Variants in ASB13 observed in about 807,000 individuals in gnomAD.
The protein encoded by ASB13 is ankyrin repeat and SOCS box protein 13.
In ASB13, 33 loss-of-function variants were observed where a neutral mutation model predicts 28.8. The observed-to-expected ratio is 1.15, with a 90% CI of 0.87 to 1.53. The LOEUF (loss-of-function observed/expected upper bound fraction) is 1.53. Among genes scored for constraint, ASB13 ranks in the 40% most tolerant of loss-of-function variants. ASB13 has a pLI of 0.00. For synonymous variants in ASB13, 182 were observed against 172.9 expected, an observed-to-expected ratio of 1.05 and a Z score of -0.41; for missense variants, 414 against 390.1, an observed-to-expected ratio of 1.06 and a Z score of -0.52.
In ASB13 at chr10:5,655,220, C is replaced by A. The variant is rs1231110574; in HGVS notation, c.44-2170G>T. 6.6e-6 allele frequency among the ~76,000 whole-genome samples: 1 copy of A among 152,208 alleles called. No individual in the cohort carries two copies. Among genetic ancestry groups the A allele is most frequent in the Non-Finnish European group, 1.5e-5 (1 of 68,042 alleles). On this transcript the variant is annotated intron_variant, in intron 1 of 5. Transcript: ENST00000357700. The surrounding 1 kb of genome is among the most constrained non-coding windows in gnomAD (Gnocchi z 6.2). ...ACATTGCCACCTTCCCCCACCTCTG[C>A]CTTGGGCACTGAGTACAGGGTTAAG...
Position 5,640,734 on chromosome 10 carries a change from G to A in ASB13, c.806C>T (p.Pro269Leu). The A allele has an allele frequency of 1.2e-6, 2 of 1,614,178 alleles. No homozygotes were observed. The highest frequency in any genetic ancestry group is 1.7e-6 in the Non-Finnish European group (2 of 1,180,030). The change falls in exon 6 of 6, where the codon CCC (proline) becomes CTC (leucine). Residue 269 changes from proline (P) to leucine (L), a missense_variant. Physicochemically the swap from Pro to Leu is moderately conservative, Grantham distance 98. Transcript: ENST00000357700. ...GTAGGAGAGGTAATCAATGAGCCGGGGCGGGATGTTTAACTTGGCAATCTT... is the reference window on the plus strand; with the variant it reads ...GTAGGAGAGGTAATCAATGAGCCGGAGCGGGATGTTTAACTTGGCAATCTT... The part of the protein sequence containing the change: ...LEKIAKLNIP[P>L]RLIDYLSYN
Position 5,652,026 on chromosome 10 carries a change from C to CCACACACACACA in ASB13, c.232-675_232-664dup, listed in dbSNP as rs5782851. Among the ~76,000 whole-genome samples the CCACACACACACA allele has an allele frequency of 2.7e-3, 161 of 59,090 alleles. 2 individuals carry two copies. Among genetic ancestry groups the CCACACACACACA allele is most frequent in the East Asian group, 0.023 (21 of 894 alleles). 38.8% of individuals were successfully genotyped at this position (59,090 alleles called of 152,430 possible). On this transcript the variant is annotated intron_variant, in intron 2 of 5. Coordinates refer to ENST00000357700, the MANE Select transcript of ASB13 (RefSeq NM_024701.4). This position sits in a 1 kb window ranked among gnomAD's most constrained non-coding sequence, Gnocchi z 5.0. ...CAAAAAAAAAAAAAAAAAAAAAAAA[C>CCACACACACACA]CACACACACACACACACACACACAC... is the stretch of plus-strand genomic sequence containing the variant.
Position 5,649,115 on chromosome 10 carries a change from A to G in ASB13, c.383-11T>C, listed in dbSNP as rs1303127846. On this transcript the variant is annotated splice_polypyrimidine_tract_variant and intron_variant, in intron 3 of 5. Coordinates refer to ENST00000357700, the MANE Select transcript of ASB13 (RefSeq NM_024701.4). This position sits in a 1 kb window ranked among gnomAD's most constrained non-coding sequence, Gnocchi z 6.4. Reference sequence around the variant, plus strand: ...CACATTCGGAACTCCCTTAAGATAAATGGAAAAGGGGGGGAATGTCCTTGA... The same window carrying G: ...CACATTCGGAACTCCCTTAAGATAAGTGGAAAAGGGGGGGAATGTCCTTGA... The G allele has an allele frequency of 1.9e-6, 3 of 1,613,752 alleles. No homozygotes were observed. The highest frequency in any genetic ancestry group is 2.5e-6 in the Non-Finnish European group (3 of 1,179,892).
intron 1 of ASB13, among the ~76,000 whole-genome samples, chr10:5,662,593 G>GAAGAGAAGAGAAGAGAAGAA (rs1835191405): frequency 7.0e-6 from 1 of 142,950 alleles, no homozygotes; most frequent in African/African-American, 2.6e-5. Context: ...GAAGAGAAGA[G>GAAGAGAAGAGAAGAGAAGAA]AAGAGAAGAG....
At position 5,641,595 on chromosome 10, in the gene ASB13, G is replaced by A. The variant is rs755385714; in HGVS notation, c.709+175C>T. 6.6e-6 allele frequency among the ~76,000 whole-genome samples: 1 copy of A among 152,120 alleles called. No individual in the cohort carries two copies. Among genetic ancestry groups the A allele is most frequent in the African/African-American group, 2.4e-5 (1 of 41,436 alleles). On this transcript the variant is annotated intron_variant, in intron 5 of 5. Transcript: ENST00000357700. The surrounding 1 kb of genome is among the most constrained non-coding windows in gnomAD (Gnocchi z 8.4). ...ACGGGCCACAGGGAACCCAGGGAGA[G>A]CTGGGGCAACAGCACAAACAGCCCC...
Position 5,652,026 on chromosome 10 carries a change from C to CACACACACACACACACA in ASB13, c.232-664_232-663insTGTGTGTGTGTGTGTGT, listed in dbSNP as rs60821267. Among the ~76,000 whole-genome samples the CACACACACACACACACA allele has an allele frequency of 1.7e-5, 1 of 59,148 alleles. No homozygotes were observed. Among genetic ancestry groups the CACACACACACACACACA allele is most frequent in the African/African-American group, 7.2e-5 (1 of 13,948 alleles). 38.8% of individuals were successfully genotyped at this position (59,148 alleles called of 152,430 possible). ...CAAAAAAAAAAAAAAAAAAAAAAAA[C>CACACACACACACACACA]CACACACACACACACACACACACAC... On this transcript the variant is annotated intron_variant, in intron 2 of 5. Coordinates refer to ENST00000357700, the MANE Select transcript of ASB13 (RefSeq NM_024701.4). The surrounding 1 kb of genome is among the most constrained non-coding windows in gnomAD (Gnocchi z 5.0).
At chr10:5,654,222 A>C (rs1835037022) in intron 1 of ASB13, among the ~76,000 whole-genome samples, 1 of 149,074 alleles carries the variant, frequency 6.7e-6, no homozygotes, top group Non-Finnish European at 1.5e-5. Flanking sequence ...CTAGCTAAGC[A>C]GAGGTGAGGG....
At chr10:5,646,970 T>C (rs553662222) in intron 4 of ASB13, among the ~76,000 whole-genome samples, 3 of 152,234 alleles carry the variant, frequency 2.0e-5, no homozygotes, top group African/African-American at 7.2e-5. Context: ...TAAAAGTACC[T>C]CAACAACTAT....
chr10:5,662,861 A>G (rs1835198665), intron 1 of ASB13, among the ~76,000 whole-genome samples: 1 of 152,212 alleles, frequency 6.6e-6, no homozygotes, highest in Non-Finnish European at 1.5e-5. Context: ...TGCCTAACGC[A>G]TGGCACTTAA....
Position 5,652,863 on chromosome 10 carries a change from C to T in ASB13, c.231G>A (p.Gln77=). 6.5e-7 allele frequency: 1 copy of T among 1,539,504 alleles called. No homozygotes were observed. The highest frequency in any genetic ancestry group is 1.2e-5 in the South Asian group (1 of 83,174). The change falls in exon 2 of 6, where the codon CAG becomes CAA. Residue 77 remains glutamine, a splice_region_variant and synonymous_variant. Transcript: ENST00000357700. The surrounding 1 kb of genome is among the most constrained non-coding windows in gnomAD (Gnocchi z 5.0). ...CVQLLLAAGA[Q]VDARNIDGST... is the part of the protein sequence containing the mutation. ...GGGTCTGCCCTGAAGGGCCACTCACCTGGGCCCCAGCCGCCAGCAGCAGCT... is the reference window on the plus strand; with the variant it reads ...GGGTCTGCCCTGAAGGGCCACTCACTTGGGCCCCAGCCGCCAGCAGCAGCT...
Position 5,659,784 on chromosome 10 carries a change from C to G in ASB13, c.43+6725G>C, listed in dbSNP as rs998495389. Among the ~76,000 whole-genome samples the G allele has an allele frequency of 2.6e-5, 4 of 152,122 alleles. No homozygotes were observed. The highest frequency in any genetic ancestry group is 9.7e-5 in the African/African-American group (4 of 41,418). On this transcript the variant is annotated intron_variant, in intron 1 of 5. Transcript: ENST00000357700. This position sits in a 1 kb window ranked among gnomAD's most constrained non-coding sequence, Gnocchi z 5.8. Reference sequence around the variant, plus strand: ...TAGTACCACAGCTAGCCAGCCTCCCCACACAGGCTGCTCGTGCAGGTATCT... The same window carrying G: ...TAGTACCACAGCTAGCCAGCCTCCCGACACAGGCTGCTCGTGCAGGTATCT...
Position 5,652,167 on chromosome 10 carries a change from T to C in ASB13, c.231+696A>G, listed in dbSNP as rs1834999497. ...AGGCAACTCCCCAAATTGGCAAATTTTATTTAGCATTTGTCCAAATTCAAA... is the reference window on the plus strand; with the variant it reads ...AGGCAACTCCCCAAATTGGCAAATTCTATTTAGCATTTGTCCAAATTCAAA... On this transcript the variant is annotated intron_variant, in intron 2 of 5. Transcript: ENST00000357700. This position sits in a 1 kb window ranked among gnomAD's most constrained non-coding sequence, Gnocchi z 5.0. 6.6e-6 allele frequency among the ~76,000 whole-genome samples: 1 copy of C among 152,146 alleles called. No homozygotes were observed. Among genetic ancestry groups the C allele is most frequent in the Non-Finnish European group, 1.5e-5 (1 of 68,030 alleles).
In ASB13 at chr10:5,661,170, A is replaced by G. The variant is rs185593246; in HGVS notation, c.43+5339T>C. The stretch of plus-strand genomic sequence containing the variant: ...GCCACCCCCTAGAGAGCCTGTGTCT[A>G]GGAGGCAGCTGGCCTGCTGGCCCCT... On this transcript the variant is annotated intron_variant, in intron 1 of 5. Coordinates refer to ENST00000357700, the MANE Select transcript of ASB13 (RefSeq NM_024701.4). This position sits in a 1 kb window ranked among gnomAD's most constrained non-coding sequence, Gnocchi z 4.9. 5.1e-3 allele frequency among the ~76,000 whole-genome samples: 769 copies of G among 152,172 alleles called. 4 individuals are homozygous for G. Among genetic ancestry groups the G allele is most frequent in the African/African-American group, 0.014 (590 of 41,530 alleles).
At chr10:5,653,597 A>G (rs1364530407) in intron 1 of ASB13, among the ~76,000 whole-genome samples, 1 of 152,224 alleles carries the variant, frequency 6.6e-6, no homozygotes, top group Non-Finnish European at 1.5e-5. Context: ...TTGTCTATAT[A>G]CAAGGTCATG....
intron 1 of ASB13, among the ~76,000 whole-genome samples, chr10:5,653,657 C>CATTTATTTATTT (rs34881215): frequency 1.0e-4 from 15 of 148,636 alleles, no homozygotes; most frequent in African/African-American, 3.5e-4. Flanking sequence ...ATGTGGATGC[C>CATTTATTTATTT]ATTTATTTAT....
chr10:5,662,193 G>A (rs1014542117), intron 1 of ASB13, among the ~76,000 whole-genome samples: 13 of 152,090 alleles, frequency 8.5e-5, no homozygotes, highest in South Asian at 2.1e-4. Context: ...ATGAACACGC[G>A]CTGACTGTCA....
In ASB13 at chr10:5,642,341, TC is replaced by T; in HGVS notation, c.518-381del. On this transcript the variant is annotated intron_variant, in intron 4 of 5. Coordinates refer to ENST00000357700, the MANE Select transcript of ASB13 (RefSeq NM_024701.4). This position sits in a 1 kb window ranked among gnomAD's most constrained non-coding sequence, Gnocchi z 4.1. ...GCCACTCAAGCACTCCCGCCTGGCC[TC>T]CAGCACAGACACACACTGCTTCTTC... is the stretch of plus-strand genomic sequence containing the variant. The T allele has an allele frequency of 2.4e-6, 1 of 422,586 alleles. No homozygotes were observed. Among genetic ancestry groups the T allele is most frequent in the Non-Finnish European group, 3.6e-6 (1 of 275,778 alleles). 26.2% of individuals were successfully genotyped at this position (422,586 alleles called of 1,614,324 possible). A position where few individuals can be genotyped will look rare whatever the true frequency, so the allele number is the denominator to read the frequency against.
At position 5,640,657 on chromosome 10, in the gene ASB13, T is replaced by C. The variant is rs778252317; in HGVS notation, c.*46A>G. ...ACAGGCAGAGCCCTCACCCGGGCAA[T>C]GCTGGGCACAACGGGGGCAGCCACG... is the stretch of plus-strand genomic sequence containing the variant. On this transcript the variant is annotated 3_prime_UTR_variant, in exon 6 of 6. Transcript: ENST00000357700. The C allele has an allele frequency of 2.4e-5, 39 of 1,612,394 alleles. No individual in the cohort carries two copies. In the Middle Eastern group the frequency reaches 5.0e-4, roughly 21 times the overall value.
chr10:5,666,324 C>A (rs1835259315), intron 1 of ASB13, among the ~76,000 whole-genome samples, 185 bp downstream of exon 1: 1 of 152,164 alleles, frequency 6.6e-6, no homozygotes, highest in Non-Finnish European at 1.5e-5. Flanking sequence ...ACATGAGAGC[C>A]CGTCTGGGAT....
Sources: gnomAD v4.1 joint callset for allele counts (sites outside exome capture counted in the v4.1 genomes callset) on GRCh38, gnomAD v4.1.1 for gene constraint, Gnocchi (gnomAD v3.1) non-coding constraint, MANE v1.5 for transcripts, NCBI Gene and HGNC (gene_info 2026-07-23, HGNC 2026-07-21) for gene names.